The following BCL11A variants were observed in gnomAD, a reference collection of about 807,000 sequenced individuals.
BCL11A encodes B cell CLL/lymphoma 11A.
BCL11A carries 2 observed loss-of-function variants against 55.9 expected under a neutral mutation model. The ratio of observed to expected loss-of-function variants is 0.04; its 90% CI spans 0.01 to 0.11. The LOEUF is 0.11. Among genes scored for constraint, BCL11A ranks in the 10% least tolerant of loss-of-function variants. The pLI is 1.00. For missense variants in BCL11A, 817 were observed against 1,137.1 expected, an observed-to-expected ratio of 0.72 and a Z score of 4.05; for synonymous variants, 465 against 473.4, an observed-to-expected ratio of 0.98 and a Z score of 0.23.
chr2:60,517,972 G>A (rs1011817317), intron 2 of BCL11A, among the ~76,000 whole-genome samples: 1 of 146,794 alleles, frequency 6.8e-6, no homozygotes, highest in African/African-American at 2.7e-5. Flanking sequence ...TAGGGGAGGA[G>A]AGAAAATTTT....
Position 60,470,751 on chromosome 2 carries a change from G to A in BCL11A, c.386-1918C>T, listed in dbSNP as rs181700541. Among the ~76,000 whole-genome samples the A allele has an allele frequency of 7.9e-5, 12 of 152,312 alleles. 1 individual carries two copies. In the South Asian group the frequency reaches 2.1e-3, roughly 26 times the overall value. ...GACCAGATCTCTACAGTGTCTGGCC[G>A]TGTGGCAAAGTGAGGTCTCATCTGA... On this transcript the variant is annotated intron_variant, in intron 2 of 3. Coordinates refer to ENST00000642384, the MANE Select transcript of BCL11A (RefSeq NM_022893.4).
intron 2 of BCL11A, among the ~76,000 whole-genome samples, chr2:60,476,022 G>A (rs953623622): frequency 2.0e-5 from 3 of 152,186 alleles, no homozygotes; most frequent in African/African-American, 7.2e-5. Flanking sequence ...TGGATTAGAT[G>A]GGGTGGCTTC....
chr2:60,508,975 C>G (rs1313773797), intron 2 of BCL11A, among the ~76,000 whole-genome samples: 2 of 152,218 alleles, frequency 1.3e-5, no homozygotes, highest in Non-Finnish European at 2.9e-5. Flanking sequence ...GACCAAGGAG[C>G]TCTCCTATGA....
chr2:60,525,028 G>A (rs552208763), intron 2 of BCL11A: 1 of 152,318 alleles, frequency 6.6e-6, no homozygotes, highest in South Asian at 2.1e-4. Context: ...CAGAGGGAGA[G>A]TTCTTCTAAA....
downstream of BCL11A, among the ~76,000 whole-genome samples, chr2:60,455,411 G>C (rs1294288521): frequency 1.3e-5 from 2 of 152,038 alleles, no homozygotes; most frequent in African/African-American, 4.8e-5. Context: ...TATCATGTTG[G>C]CTAGGTTCTC....
intron 1 of BCL11A, chr2:60,550,956 G>A: frequency 1.5e-5 from 6 of 392,482 alleles, no homozygotes; most frequent in Non-Finnish European, 2.7e-5. Flanking sequence ...GGAGAGCGGC[G>A]AGGGAGGGAT....
chr2:60,541,514 T>C (rs1669925635), intron 2 of BCL11A, among the ~76,000 whole-genome samples: 1 of 152,250 alleles, frequency 6.6e-6, no homozygotes, highest in African/African-American at 2.4e-5. Flanking sequence ...TCTGACATTG[T>C]ACTTTGACAA....
chr2:60,490,809 A>T (rs1424579672), intron 2 of BCL11A, among the ~76,000 whole-genome samples: 2 of 152,256 alleles, frequency 1.3e-5, no homozygotes, highest in Non-Finnish European at 2.9e-5. Context: ...AACAAATAGC[A>T]TATAAATGAC....
chr2:60,452,856 G>C, downstream of BCL11A: 1 of 535,458 alleles, frequency 1.9e-6, no homozygotes, highest in Non-Finnish European at 3.3e-6. Context: ...CCTCTGAGTC[G>C]TCTTCCCATG....
At chr2:60,544,460 T>C (rs1327152900) in intron 2 of BCL11A, 1 of 152,072 alleles carries the variant, frequency 6.6e-6, no homozygotes, top group Non-Finnish European at 1.5e-5. Flanking sequence ...ATTCAAGAAA[T>C]ACACTCCACA....
intron 3 of BCL11A, among the ~76,000 whole-genome samples, chr2:60,463,421 A>G (rs1048280769): frequency 5.3e-5 from 8 of 152,248 alleles, no homozygotes; most frequent in Admixed American, 3.9e-4. Context: ...CGTGAACCAA[A>G]TTATACAACA....
rs1553407494 is a variant in BCL11A at position 60,477,596 on chromosome 2, AAAAT to A, written c.386-8767_386-8764del. On this transcript the variant is annotated intron_variant, in intron 2 of 3. Coordinates refer to ENST00000642384, the MANE Select transcript of BCL11A (RefSeq NM_022893.4). ...GCACATGTATCCCAGAACTTAGAGTAAAATAAATAAAGAAAGAAAGAAAGAAAGA... is the reference window on the plus strand; with the variant it reads ...GCACATGTATCCCAGAACTTAGAGTAAAATAAAGAAAGAAAGAAAGAAAGA... 4.9e-3 allele frequency among the ~76,000 whole-genome samples: 657 copies of A among 133,280 alleles called. 5 individuals are homozygous for A. The highest frequency in any genetic ancestry group is 0.012 in the Middle Eastern group (3 of 254). 87.4% of individuals were successfully genotyped at this position (133,280 alleles called of 152,430 possible).
At chr2:60,514,848 T>C (rs1297659900) in intron 2 of BCL11A, among the ~76,000 whole-genome samples, 2 of 128,126 alleles carry the variant, frequency 1.6e-5, no homozygotes, top group African/African-American at 3.0e-5. Context: ...AGGTCTTGCA[T>C]ACACATACAC....
rs145797584 is a variant in BCL11A, at chr2:60,479,612, G to A, written c.386-10779C>T. Among the ~76,000 whole-genome samples the A allele has an allele frequency of 3.3e-4, 51 of 152,346 alleles. No homozygotes were observed. In the East Asian group the frequency reaches 5.6e-3, roughly 17 times the overall value. ...CCATCGCACTCAAACCCTGTCAGGCGGTGGAGAGTGTGGACGGCAGGCTGA... is the reference window on the plus strand; with the variant it reads ...CCATCGCACTCAAACCCTGTCAGGCAGTGGAGAGTGTGGACGGCAGGCTGA... On this transcript the variant is annotated intron_variant, in intron 2 of 3. Coordinates refer to ENST00000642384, the MANE Select transcript of BCL11A (RefSeq NM_022893.4).
At chr2:60,468,047 G>GTGGTGGTGGTGGTGGTGGTAGTGA (rs1676969818) in intron 3 of BCL11A, among the ~76,000 whole-genome samples, 1 of 142,682 alleles carries the variant, frequency 7.0e-6, no homozygotes, top group Non-Finnish European at 1.5e-5. Context: ...GGTGGTGATG[G>GTGGTGGTGGTGGTGGTGGTAGTGA]TACTGGTGGT....
chr2:60,477,229 T>C (rs1406217276), intron 2 of BCL11A, among the ~76,000 whole-genome samples: 1 of 152,176 alleles, frequency 6.6e-6, no homozygotes, highest in African/African-American at 2.4e-5. Context: ...ATGGATGCGA[T>C]GAGAATGATC....
rs1676119806 is a variant in BCL11A at position 60,459,594 on chromosome 2, T to G, written c.*810A>C. On this transcript the variant is annotated 3_prime_UTR_variant, in exon 4 of 4. Coordinates refer to ENST00000642384, the MANE Select transcript of BCL11A (RefSeq NM_022893.4). The stretch of plus-strand genomic sequence containing the variant: ...AGAATTATATGCTAGTTCCTAAGGT[T>G]TATTACCTCACCCAATGCTGAATTA... 1.9e-6 allele frequency: 2 copies of G among 1,028,774 alleles called. No individual in the cohort carries two copies. The highest frequency in any genetic ancestry group is 3.4e-5 in the African/African-American group (2 of 59,134). 63.7% of individuals were successfully genotyped at this position (1,028,774 alleles called of 1,614,324 possible). A position where few individuals can be genotyped will look rare whatever the true frequency, so the allele number is the denominator to read the frequency against.
At chr2:60,537,699 ACATATT>A (rs1371192980) in intron 2 of BCL11A, 1 of 152,268 alleles carries the variant, frequency 6.6e-6, no homozygotes, top group Non-Finnish European at 1.5e-5. Flanking sequence ...ATGCATCATT[ACATATT>A]AAGAAAATGA....
intron 2 of BCL11A, among the ~76,000 whole-genome samples, chr2:60,504,287 G>A (rs1679453730): frequency 6.6e-6 from 1 of 152,210 alleles, no homozygotes; most frequent in South Asian, 2.1e-4. Flanking sequence ...TGAAGATGCA[G>A]TACCTTCTGG....
Sources: gnomAD v4.1 joint callset for allele counts (sites outside exome capture counted in the v4.1 genomes callset) on GRCh38, gnomAD v4.1.1 for gene constraint, MANE v1.5 for transcripts, NCBI Gene and HGNC (gene_info 2026-07-23, HGNC 2026-07-21) for gene names.